Variants in SLC26A9 observed in about 807,000 individuals in gnomAD.
SLC26A9 encodes the protein anion transporter/exchanger protein 9.
In SLC26A9, 46 loss-of-function variants were observed where a neutral mutation model predicts 87.1. The ratio of observed to expected loss-of-function variants is 0.53; its 90% CI spans 0.42 to 0.67. SLC26A9 has a LOEUF of 0.67. Ranked by LOEUF, SLC26A9 falls within the 30% of genes least tolerant of loss-of-function variation. The pLI is 0.00. For synonymous variants in SLC26A9, 437 were observed against 409.1 expected (o/e 1.07, Z -0.82); for missense variants, 927 against 1,018.3 (o/e 0.91, Z 1.22).
At chr1:205,920,026 T>C (rs1658758850) in intron 18 of SLC26A9, 150 bp downstream of exon 18, 1 of 805,098 alleles carries the variant, frequency 1.2e-6, no homozygotes. Context: ...TTTGGACTTG[T>C]ACCTGAAGCT....
Position 205,914,372 on chromosome 1 carries a change from C to A in SLC26A9, c.*985G>T. 1 of 153,848 alleles carries A rather than the reference C, an allele frequency of 6.5e-6. No homozygotes were observed. The highest frequency in any genetic ancestry group is 1.4e-5 in the Non-Finnish European group (1 of 69,058). 9.5% of individuals were successfully genotyped at this position (153,848 alleles called of 1,614,324 possible). On this transcript the variant is annotated 3_prime_UTR_variant, in exon 21 of 21. Coordinates refer to ENST00000367135, the MANE Select transcript of SLC26A9 (RefSeq NM_052934.4). ...CAGATTTACCAAAGGGAGGCATTTC[C>A]CTGATGGGCCCTGGGGTCAAGGGGG...
chr1:205,914,615 T>G lies in SLC26A9; in HGVS notation c.*742A>C. ...AGGGAGCAGCCTCTGAGGGCAGTGA[T>G]GTTTCAGGAGGCTGAGGCAGAACCT... On this transcript the variant is annotated 3_prime_UTR_variant, in exon 21 of 21. Coordinates refer to ENST00000367135, the MANE Select transcript of SLC26A9 (RefSeq NM_052934.4). 7.8e-6 allele frequency: 3 copies of G among 383,932 alleles called. No individual in the cohort carries two copies. The highest frequency in any genetic ancestry group is 4.2e-5 in the East Asian group (1 of 24,062). 23.8% of individuals were successfully genotyped at this position (383,932 alleles called of 1,614,324 possible).
chr1:205,929,960 T>G lies in SLC26A9; in HGVS notation c.649A>C (p.Ile217Leu). The change falls in exon 6 of 21, where the codon ATT (isoleucine) becomes CTT (leucine). Residue 217 changes from isoleucine to leucine, a missense_variant. Ile to Leu is a conservative substitution (Grantham distance 5). Transcript: ENST00000367135. ...CCGAAGATGTACTTGAGCACCGAAA[T>G]CAGGATCTGCAGGCCGGCGGCCGTC... ...FMTAAGLQIL[I>L]SVLKYIFGLT... 6.2e-7 allele frequency: 1 copy of G among 1,613,850 alleles called. No individual in the cohort carries two copies. The highest frequency in any genetic ancestry group is 2.2e-5 in the East Asian group (1 of 44,876).
At chr1:205,938,668 T>G (rs7521316) in intron 1 of SLC26A9, among the ~76,000 whole-genome samples, 1 of 151,978 alleles carries the variant, frequency 6.6e-6, no homozygotes, top group African/African-American at 2.4e-5. Flanking sequence ...CCTTTCTAGA[T>G]CTGCCCATCC....
At chr1:205,922,985 G>A (rs1159876858) in intron 16 of SLC26A9, 97 bp downstream of exon 16, 1 of 1,012,436 alleles carries the variant, frequency 9.9e-7, no homozygotes, top group African/African-American at 1.6e-5. Flanking sequence ...GCCTGTCAGG[G>A]TGGGAAGCGG....
Position 205,927,363 on chromosome 1 carries a change from T to G in SLC26A9, c.1216-75A>C, listed in dbSNP as rs138948685. The G allele has an allele frequency of 8.4e-4, 1,313 of 1,571,902 alleles. 14 individuals are homozygous for G. The African/African-American group carries it at 0.015, about 18-fold the overall frequency. The stretch of plus-strand genomic sequence containing the variant: ...CTTGATTTACTTCCAATCCATGGCT[T>G]TGGTGGAGTGGAGACTAAGACGGGA... On this transcript the variant is annotated intron_variant, in intron 10 of 20. Coordinates refer to ENST00000367135, the MANE Select transcript of SLC26A9 (RefSeq NM_052934.4).
intron 16 of SLC26A9, among the ~76,000 whole-genome samples, 186 bp from the exon 17 acceptor site, chr1:205,922,033 C>G (rs1453106197): frequency 6.6e-6 from 1 of 152,214 alleles, no homozygotes; most frequent in Non-Finnish European, 1.5e-5. Flanking sequence ...GCAGGGCCTG[C>G]AAACTTGGTC....
rs144060411 is a variant in SLC26A9 at position 205,914,817 on chromosome 1, C to T, written c.*540G>A. The stretch of plus-strand genomic sequence containing the variant: ...TCCTGGGTGTGGAGAGCACATGGTC[C>T]CTGGGTGCAGAGCTGCCAGAGACAG... On this transcript the variant is annotated 3_prime_UTR_variant, in exon 21 of 21. Coordinates refer to ENST00000367135, the MANE Select transcript of SLC26A9 (RefSeq NM_052934.4). The T allele has an allele frequency of 1.3e-6, 2 of 1,532,908 alleles. No homozygotes were observed. Among genetic ancestry groups the T allele is most frequent in the East Asian group, 4.5e-5 (2 of 44,312 alleles). 95.0% of individuals were successfully genotyped at this position (1,532,908 alleles called of 1,614,324 possible).
In SLC26A9 at chr1:205,931,993, A is replaced by G; in HGVS notation, c.419T>C (p.Leu140Pro). The G allele has an allele frequency of 6.2e-7, 1 of 1,614,254 alleles. No homozygotes were observed. The highest frequency in any genetic ancestry group is 2.2e-5 in the East Asian group (1 of 44,880). Residue 140 changes from leucine (L) to proline (P), a missense_variant, in exon 5 of 21, where the codon CTG becomes CCG. Leu to Pro is a moderately conservative substitution (Grantham distance 98). Transcript: ENST00000367135. ...GAATTTCGACTCTGGGGCCAGCTGCAGACAGATGTTACCCACCAGGATGCT... is the reference window on the plus strand; with the variant it reads ...GAATTTCGACTCTGGGGCCAGCTGCGGACAGATGTTACCCACCAGGATGCT... ...VISILVGNIC[L>P]QLAPESKFQV...
chr1:205,931,465 G>GTTTATTTTTTTTTTT (rs1659300461), intron 5 of SLC26A9, among the ~76,000 whole-genome samples: 1 of 96,012 alleles, frequency 1.0e-5, no homozygotes, highest in Non-Finnish European at 2.0e-5. Flanking sequence ...CCCTAACTTG[G>GTTTATTTTTTTTTTT]TTTTTTTTTT....
In SLC26A9 at chr1:205,926,542, A is replaced by G. The variant is rs1274739140; in HGVS notation, c.1382T>C (p.Leu461Pro). ...DPYYLWRKSK[L>P]DCCIWVVSFL... ...AGGCTGCCCGATACTTACACAGTCC[A>G]GCTTGCTCTTCCTCCACAGGTAGTA... Residue 461 changes from leucine (L) to proline (P), a missense_variant, in exon 12 of 21, where the codon CTG becomes CCG. Transcript: ENST00000367135. 1.9e-6 allele frequency: 3 copies of G among 1,614,000 alleles called. No homozygotes were observed.
chr1:205,918,570 G>C (rs932414231), intron 19 of SLC26A9, among the ~76,000 whole-genome samples: 1 of 152,134 alleles, frequency 6.6e-6, no homozygotes, highest in African/African-American at 2.4e-5. Flanking sequence ...TATTGATAAA[G>C]AATTTTTACA....
chr1:205,913,694 C>T lies in SLC26A9; in HGVS notation c.*1663G>A. On this transcript the variant is annotated 3_prime_UTR_variant, in exon 21 of 21. Transcript: ENST00000367135. ...GCTGGGCACGGTGAATCCCAGATAACATTGTCCTTCGCCTTCCAAGTTTTG... is the reference window on the plus strand; with the variant it reads ...GCTGGGCACGGTGAATCCCAGATAATATTGTCCTTCGCCTTCCAAGTTTTG... 1 of 152,642 alleles carries T rather than the reference C, an allele frequency of 6.6e-6. No homozygotes were observed. Among genetic ancestry groups the T allele is most frequent in the Non-Finnish European group, 1.5e-5 (1 of 68,060 alleles). 9.5% of individuals were successfully genotyped at this position (152,642 alleles called of 1,614,324 possible).
At chr1:205,917,221 G>A (rs772526567) in intron 20 of SLC26A9, 62 bp downstream of exon 20, 1 of 1,568,650 alleles carries the variant, frequency 6.4e-7, no homozygotes. Context: ...GTATTTGACA[G>A]CGACCCCATC....
rs758731083 is a variant in SLC26A9 at position 205,923,115 on chromosome 1, T to C, written c.1740A>G (p.Thr580=). The C allele has an allele frequency of 1.1e-5, 18 of 1,613,978 alleles. No individual in the cohort carries two copies. The African/African-American group carries it at 2.1e-4, about 19-fold the overall frequency. The change falls in exon 16 of 21, where the codon ACA becomes ACG. Residue 580 remains threonine (T), a synonymous_variant. Coordinates refer to ENST00000367135, the MANE Select transcript of SLC26A9 (RefSeq NM_052934.4). ...TCATGAATAGAGACCTCCTCTGTTGTGTGGGCCTCATTCTCCGCTTCTCCT... is the reference window on the plus strand; with the variant it reads ...TCATGAATAGAGACCTCCTCTGTTGCGTGGGCCTCATTCTCCGCTTCTCCT... The part of the protein sequence containing the change: ...KKQEKRRMRP[T]QQRRSLFMKT...
Position 205,915,075 on chromosome 1 carries a change from G to C in SLC26A9, c.*282C>G. 1 of 1,614,172 alleles carries C rather than the reference G, an allele frequency of 6.2e-7. No homozygotes were observed. On this transcript the variant is annotated 3_prime_UTR_variant, in exon 21 of 21. Coordinates refer to ENST00000367135, the MANE Select transcript of SLC26A9 (RefSeq NM_052934.4). Reference sequence around the variant, plus strand: ...ACAGGGCAGAGGTGGGTGGGGTGGAGTGAGCAGGAGGCTTGTCCATTGCGG... The same window carrying C: ...ACAGGGCAGAGGTGGGTGGGGTGGACTGAGCAGGAGGCTTGTCCATTGCGG...
Position 205,941,045 on chromosome 1 carries a change from T to A in SLC26A9, c.-19+2320A>T, listed in dbSNP as rs143997591. Among the ~76,000 whole-genome samples, 325 of 152,098 alleles carry A rather than the reference T, an allele frequency of 2.1e-3. 2 individuals carry two copies. Among genetic ancestry groups the A allele is most frequent in the African/African-American group, 7.6e-3 (315 of 41,480 alleles). On this transcript the variant is annotated intron_variant, in intron 1 of 20. Transcript: ENST00000367135. ...AAGAGCAGCCTCTGAGTGACCCAGG[T>A]GTGAATGTGAGCTGGGACAGACAAG...
chr1:205,925,046 A>G (rs1655610761), intron 12 of SLC26A9, among the ~76,000 whole-genome samples: 2 of 152,208 alleles, frequency 1.3e-5, no homozygotes, highest in Non-Finnish European at 2.9e-5. Context: ...CTCCTGCCTC[A>G]GCCCCCTAAA....
In SLC26A9 at chr1:205,918,825, G is replaced by T; in HGVS notation, c.2256+15C>A. Reference sequence around the variant, plus strand: ...TGCCTTGGAGCCTAGGATTCCCCAGGTGCAAGAACCTTACCCCTTGGAAGT... The same window carrying T: ...TGCCTTGGAGCCTAGGATTCCCCAGTTGCAAGAACCTTACCCCTTGGAAGT... On this transcript the variant is annotated intron_variant, in intron 19 of 20. Coordinates refer to ENST00000367135, the MANE Select transcript of SLC26A9 (RefSeq NM_052934.4). 1 of 1,607,000 alleles carries T rather than the reference G, an allele frequency of 6.2e-7. No homozygotes were observed. The highest frequency in any genetic ancestry group is 8.5e-7 in the Non-Finnish European group (1 of 1,174,072).
Sources: allele counts gnomAD v4.1 joint callset (sites outside exome capture counted in the v4.1 genomes callset), GRCh38; gene constraint gnomAD v4.1.1; transcripts MANE v1.5; gene names NCBI Gene and HGNC (gene_info 2026-07-23, HGNC 2026-07-21).